The following CNTN5 variants were observed in gnomAD, a reference collection of about 807,000 sequenced individuals.
CNTN5 encodes the protein contactin-5.
CNTN5 carries 77 observed loss-of-function variants against 129.1 expected under a neutral mutation model. That is an observed-to-expected ratio of 0.60 (90% CI 0.50 to 0.72). The LOEUF (loss-of-function observed/expected upper bound fraction) is 0.72. CNTN5 is among the 30% of genes least tolerant of loss of function. The probability of loss-of-function intolerance (pLI) is 0.00; values close to 1 mark genes in which losing one functional copy is unlikely to be tolerated. For synonymous variants in CNTN5, 509 were observed against 465.6 expected, an observed-to-expected ratio of 1.09 and a Z score of -1.20; for missense variants, 1,478 against 1,328.8, an observed-to-expected ratio of 1.11 and a Z score of -1.75.
chr11:99,936,084 T>G (rs1288936722), intron 7 of CNTN5, among the ~76,000 whole-genome samples: 1 of 152,182 alleles, frequency 6.6e-6, no homozygotes, highest in Non-Finnish European at 1.5e-5. Flanking sequence ...AAAGACACTT[T>G]GCAAAGCAGA....
intron 2 of CNTN5, among the ~76,000 whole-genome samples, chr11:99,432,210 T>C (rs1207001077): frequency 6.6e-6 from 1 of 152,176 alleles, no homozygotes; most frequent in African/African-American, 2.4e-5. Flanking sequence ...CACCATGTTT[T>C]GGGTCTCAGA....
intron 18 of CNTN5, among the ~76,000 whole-genome samples, chr11:100,276,744 G>A (rs1377397381): frequency 6.6e-6 from 1 of 151,942 alleles, no homozygotes; most frequent in Non-Finnish European, 1.5e-5. Context: ...GGCATACAAT[G>A]CTTAGTAATC....
At chr11:99,707,142 A>G (rs1954790503) in intron 3 of CNTN5, among the ~76,000 whole-genome samples, 1 of 151,512 alleles carries the variant, frequency 6.6e-6, no homozygotes, top group African/African-American at 2.4e-5. Context: ...GATGAAAAGT[A>G]CATGATGTGC....
At chr11:99,527,049 A>G (rs1027963427) in intron 2 of CNTN5, among the ~76,000 whole-genome samples, 14 of 152,230 alleles carry the variant, frequency 9.2e-5, no homozygotes, top group Admixed American at 3.9e-4. Flanking sequence ...AACATCTCAC[A>G]TATCTCCTGA....
chr11:99,041,227 T>C (rs544918042), intron 1 of CNTN5, among the ~76,000 whole-genome samples: 88 of 152,294 alleles, frequency 5.8e-4, no homozygotes, highest in Middle Eastern at 3.4e-3. Context: ...AAACACTTTC[T>C]TTCCACATCT....
rs117946447 is a variant in CNTN5, at chr11:99,391,560, T to C, written c.-71+66076T>C. On this transcript the variant is annotated intron_variant, in intron 2 of 24. Transcript: ENST00000524871. ...CATTGTTTGGTTTACAATATTCTTTTACCTATAGTATTGAAGTTGATGCTC... is the reference window on the plus strand; with the variant it reads ...CATTGTTTGGTTTACAATATTCTTTCACCTATAGTATTGAAGTTGATGCTC... Among the ~76,000 whole-genome samples the C allele has an allele frequency of 1.1e-4, 17 of 152,218 alleles. No individual in the cohort carries two copies. In the East Asian group the frequency reaches 2.5e-3, roughly 22 times the overall value.
intron 2 of CNTN5, among the ~76,000 whole-genome samples, chr11:99,462,360 C>CTTTTTTTTTTTTTTTTTTTTCTTT (rs72276833): frequency 2.4e-5 from 3 of 125,284 alleles, no homozygotes; most frequent in African/African-American, 5.9e-5. Context: ...CTTTTCTTTT[C>CTTTTTTTTTTTTTTTTTTTTCTTT]TTTTTTTTTT....
intron 2 of CNTN5, among the ~76,000 whole-genome samples, chr11:99,407,428 A>G (rs1004055017): frequency 3.5e-5 from 3 of 85,658 alleles, no homozygotes; most frequent in Non-Finnish European, 6.3e-5. Context: ...GGTATCCAAG[A>G]TGCAAGGCAA....
rs191973189 is a variant in CNTN5, at chr11:99,702,391, G to A, written c.56-117153G>A. ...TCACTTTCCCATTTTCAACCTATTGGCAATAAAATATCAGGTGTTAAAAAA... is the reference window on the plus strand; with the variant it reads ...TCACTTTCCCATTTTCAACCTATTGACAATAAAATATCAGGTGTTAAAAAA... On this transcript the variant is annotated intron_variant, in intron 3 of 24. Coordinates refer to ENST00000524871, the MANE Select transcript of CNTN5 (RefSeq NM_014361.4). Among the ~76,000 whole-genome samples, 388 of 150,872 alleles carry A rather than the reference G, an allele frequency of 2.6e-3. 1 individual carries two copies. The highest frequency in any genetic ancestry group is 7.8e-3 in the African/African-American group (321 of 41,356).
intron 3 of CNTN5, among the ~76,000 whole-genome samples, chr11:99,583,532 C>A (rs915314679): frequency 6.6e-6 from 1 of 152,302 alleles, no homozygotes; most frequent in Admixed American, 6.5e-5. Flanking sequence ...TGGTGGGTGC[C>A]CCTCCCCCAG....
At chr11:99,976,415 A>AT (rs1333803266) in intron 8 of CNTN5, among the ~76,000 whole-genome samples, 2 of 152,076 alleles carry the variant, frequency 1.3e-5, no homozygotes, top group Admixed American at 1.3e-4. Context: ...CCAACCCTAC[A>AT]TTTCCCCTTT....
intron 2 of CNTN5, among the ~76,000 whole-genome samples, chr11:99,432,542 AATGGGGTAGTAT>A (rs2135112053): frequency 1.7e-5 from 2 of 120,978 alleles, no homozygotes; most frequent in East Asian, 4.6e-4. Context: ...TTTAGGGGCG[AATGGGGTAGTAT>A]ATTGAGAACA....
chr11:99,327,462 A>T (rs1865833158), intron 2 of CNTN5, among the ~76,000 whole-genome samples: 2 of 152,160 alleles, frequency 1.3e-5, no homozygotes, highest in Admixed American at 6.6e-5. Context: ...CAAGTTGAGG[A>T]TGTAGAGTGT....
chr11:100,279,729 A>C (rs1950592400), intron 18 of CNTN5, among the ~76,000 whole-genome samples: 1 of 151,118 alleles, frequency 6.6e-6, no homozygotes, highest in South Asian at 2.1e-4. Flanking sequence ...AGATTTGTTC[A>C]TTTTAACTTT....
chr11:99,032,093 A>T (rs1293009331), intron 1 of CNTN5, among the ~76,000 whole-genome samples: 1 of 152,104 alleles, frequency 6.6e-6, no homozygotes, highest in Non-Finnish European at 1.5e-5. Flanking sequence ...AAAGGACATG[A>T]ACTCATCCTT....
At chr11:99,475,244 T>C (rs150087704) in intron 2 of CNTN5, among the ~76,000 whole-genome samples, 10 of 152,312 alleles carry the variant, frequency 6.6e-5, no homozygotes, top group African/African-American at 2.4e-4. Context: ...TGGCACAATT[T>C]CGTCTCCATG....
intron 3 of CNTN5, among the ~76,000 whole-genome samples, chr11:99,816,047 A>G (rs1946575770): frequency 6.6e-6 from 1 of 151,920 alleles, no homozygotes; most frequent in Non-Finnish European, 1.5e-5. Context: ...TAACAGACTA[A>G]CCTCTCTAAC....
At chr11:99,360,361 A>T (rs1283608572) in intron 2 of CNTN5, among the ~76,000 whole-genome samples, 1 of 152,020 alleles carries the variant, frequency 6.6e-6, no homozygotes, top group Non-Finnish European at 1.5e-5. Flanking sequence ...TCCTTAGGGG[A>T]TTGCTCTAGT....
chr11:99,808,856 C>A (rs1357594294), intron 3 of CNTN5, among the ~76,000 whole-genome samples: 2 of 152,132 alleles, frequency 1.3e-5, no homozygotes, highest in Non-Finnish European at 1.5e-5. Flanking sequence ...TCCTCTCTCC[C>A]TTTTAAGATT....
Sources: allele counts gnomAD v4.1 joint callset (sites outside exome capture counted in the v4.1 genomes callset), GRCh38; gene constraint gnomAD v4.1.1; transcripts MANE v1.5; gene names NCBI Gene and HGNC (gene_info 2026-07-23, HGNC 2026-07-21).